ARHGEF4: variants seen among roughly 807,000 people sequenced by gnomAD.
The protein encoded by ARHGEF4 is Rho guanine nucleotide exchange factor 4.
A neutral mutation model predicts 162.0 loss-of-function variants in ARHGEF4; 119 were observed. The ratio of observed to expected loss-of-function variants is 0.73; its 90% CI spans 0.63 to 0.86. The LOEUF (loss-of-function observed/expected upper bound fraction) is 0.86, where lower values mean the gene tolerates loss of function less well. Ranked by LOEUF, ARHGEF4 falls within the 40% of genes least tolerant of loss-of-function variation. The pLI, the probability that ARHGEF4 is intolerant of heterozygous loss-of-function variation, is 0.00. For synonymous variants in ARHGEF4, 1,014 were observed against 979.9 expected, an observed-to-expected ratio of 1.03 and a Z score of -0.65; for missense variants, 2,488 against 2,456.0, an observed-to-expected ratio of 1.01 and a Z score of -0.28.
chr2:130,990,040 G>C (rs1211085099), intron 4 of ARHGEF4, among the ~76,000 whole-genome samples: 1 of 152,176 alleles, frequency 6.6e-6, no homozygotes, highest in Non-Finnish European at 1.5e-5. Flanking sequence ...ATCAAGAACT[G>C]GTCAGGAACT....
chr2:131,016,700 G>T (rs1040987033), intron 4 of ARHGEF4, among the ~76,000 whole-genome samples: 5 of 152,212 alleles, frequency 3.3e-5, no homozygotes, highest in African/African-American at 1.2e-4. Flanking sequence ...ACAACCTGGG[G>T]GCCCCACCCC....
At chr2:130,926,127 C>T (rs1351698640) in intron 2 of ARHGEF4, among the ~76,000 whole-genome samples, 1 of 150,132 alleles carries the variant, frequency 6.7e-6, no homozygotes, top group African/African-American at 2.5e-5. Flanking sequence ...TCTCTTCCAT[C>T]TACAAGTTCA....
rs144688136 is a variant in ARHGEF4, at chr2:130,993,015, C to T, written c.3986-34930C>T. Reference sequence around the variant, plus strand: ...AGGGGAATCGTTTGAATCCTGGAGGCGGAGGTTGCAGTGAGCTGAGATAGC... The same window carrying T: ...AGGGGAATCGTTTGAATCCTGGAGGTGGAGGTTGCAGTGAGCTGAGATAGC... On this transcript the variant is annotated intron_variant, in intron 4 of 13. Coordinates refer to ENST00000409359, the MANE Select transcript of ARHGEF4 (RefSeq NM_001367493.1). Among the ~76,000 whole-genome samples the T allele has an allele frequency of 3.0e-4, 46 of 152,234 alleles. 1 individual carries two copies. In the East Asian group the frequency reaches 5.0e-3, roughly 17 times the overall value.
At chr2:130,991,457 G>T (rs528453382) in intron 4 of ARHGEF4, among the ~76,000 whole-genome samples, 1 of 152,244 alleles carries the variant, frequency 6.6e-6, no homozygotes, top group African/African-American at 2.4e-5. Flanking sequence ...GGAGAGGCGC[G>T]AGCGGGAACC....
At chr2:130,843,127 A>G (rs1680718169) in intron 1 of ARHGEF4, among the ~76,000 whole-genome samples, 1 of 152,152 alleles carries the variant, frequency 6.6e-6, no homozygotes, top group Non-Finnish European at 1.5e-5. Context: ...ATTTTCGGTT[A>G]TATTGGGATC....
At chr2:130,876,105 TA>T (rs1678820732) in intron 1 of ARHGEF4, among the ~76,000 whole-genome samples, 1 of 152,208 alleles carries the variant, frequency 6.6e-6, no homozygotes, top group African/African-American at 2.4e-5. Context: ...CAGCCGCTCA[TA>T]GGGTAGGCTT....
chr2:130,874,004 C>G (rs1678661773), intron 1 of ARHGEF4, among the ~76,000 whole-genome samples: 1 of 152,190 alleles, frequency 6.6e-6, no homozygotes, highest in Non-Finnish European at 1.5e-5. Context: ...TTTTTGTCTG[C>G]CTCTGCCTTA....
intron 1 of ARHGEF4, among the ~76,000 whole-genome samples, chr2:130,866,495 A>T (rs1444583312): frequency 6.6e-6 from 1 of 152,140 alleles, no homozygotes; most frequent in Non-Finnish European, 1.5e-5. Context: ...TCTCACTAGG[A>T]TGCATGATGT....
At chr2:131,045,704 A>C (rs1691196652) in intron 13 of ARHGEF4, 5 of 1,450,440 alleles carry the variant, frequency 3.4e-6, no homozygotes, top group Non-Finnish European at 4.5e-6. Flanking sequence ...TTGTTTCCCC[A>C]GGGTTCCTTC....
At chr2:130,839,689 A>G (rs532062623) in intron 1 of ARHGEF4, among the ~76,000 whole-genome samples, 4 of 152,228 alleles carry the variant, frequency 2.6e-5, no homozygotes, top group Non-Finnish European at 5.9e-5. Flanking sequence ...CCCAAAAGGA[A>G]AATATGTTGT....
chr2:131,011,548 G>C, intron 4 of ARHGEF4: 1 of 1,336,250 alleles, frequency 7.5e-7, no homozygotes, highest in South Asian at 1.4e-5. Context: ...AGGACCTCAA[G>C]CATGTGCTTC....
At chr2:130,848,074 C>T (rs1255574425) in intron 1 of ARHGEF4, among the ~76,000 whole-genome samples, 1 of 152,204 alleles carries the variant, frequency 6.6e-6, no homozygotes, top group African/African-American at 2.4e-5. Context: ...GGACATGGGG[C>T]CTCTGCCCAG....
At chr2:130,946,850 C>A (rs1242800135) in intron 4 of ARHGEF4, 6 of 511,170 alleles carry the variant, frequency 1.2e-5, no homozygotes, top group Middle Eastern at 1.2e-3. Context: ...TGCCTGTAAT[C>A]CCAGCACTTT....
At chr2:130,840,166 T>G (rs1206065330) in intron 1 of ARHGEF4, among the ~76,000 whole-genome samples, 1 of 151,466 alleles carries the variant, frequency 6.6e-6, no homozygotes, top group Non-Finnish European at 1.5e-5. Flanking sequence ...CACACAGGCA[T>G]ACACACTTGG....
rs1214777416 is a variant in ARHGEF4, at chr2:130,916,332, A to C, written c.2386A>C (p.Lys796Gln). The change falls in exon 2 of 14, where the codon AAG becomes CAG. Residue 796 changes from lysine (K) to glutamine (Q), a missense_variant. Lys to Gln is a moderately conservative substitution (Grantham distance 53). Transcript: ENST00000409359. ...QEPGKRPTFS[K>Q]VTSFRKGRPL... ...GCCTGGGAAGCGCCCGACGTTTTCC[A>C]AGGTGACCTCCTTCAGGAAGGGCAG... 1 of 1,543,110 alleles carries C rather than the reference A, an allele frequency of 6.5e-7. No individual in the cohort carries two copies. Among genetic ancestry groups the C allele is most frequent in the East Asian group, 2.5e-5 (1 of 40,448 alleles).
intron 1 of ARHGEF4, among the ~76,000 whole-genome samples, chr2:130,850,665 G>A (rs1681344874): frequency 6.6e-6 from 1 of 152,220 alleles, no homozygotes; most frequent in Non-Finnish European, 1.5e-5. Flanking sequence ...GGTGCAGTGG[G>A]CCACAGGGTG....
chr2:130,928,595 C>A (rs891116720), intron 2 of ARHGEF4, among the ~76,000 whole-genome samples: 2 of 152,188 alleles, frequency 1.3e-5, no homozygotes, highest in East Asian at 1.9e-4. Flanking sequence ...GTCACACTTA[C>A]AAACTTTAAA....
intron 3 of ARHGEF4, among the ~76,000 whole-genome samples, chr2:130,936,028 G>A (rs542699988): frequency 4.6e-5 from 7 of 152,204 alleles, no homozygotes; most frequent in African/African-American, 1.4e-4. Flanking sequence ...TCATGCCATT[G>A]CATTCCAGCC....
In ARHGEF4 at chr2:130,838,371, TG is replaced by T. The variant is rs367681347; in HGVS notation, c.39+1387del. On this transcript the variant is annotated intron_variant, in intron 1 of 13. Transcript: ENST00000409359. ...AATCTCAGCACTTTGGGAGGCCGAG[TG>T]GGGGGGGCGGATCGCCTGAGGTCAC... is the stretch of plus-strand genomic sequence containing the variant. 6.4e-3 allele frequency among the ~76,000 whole-genome samples: 962 copies of T among 150,182 alleles called. 14 individuals carry two copies. The highest frequency in any genetic ancestry group is 0.023 in the African/African-American group (922 of 40,858).
Sources: gnomAD v4.1 joint callset for allele counts (sites outside exome capture counted in the v4.1 genomes callset) on GRCh38, gnomAD v4.1.1 for gene constraint, MANE v1.5 for transcripts, NCBI Gene and HGNC (gene_info 2026-07-23, HGNC 2026-07-21) for gene names.